Variants in SLC40A1 observed in about 807,000 individuals in gnomAD.
SLC40A1 encodes the protein ferroportin.
Under a neutral mutation model 53.5 loss-of-function variants are expected in SLC40A1, and 16 were observed. That is an observed-to-expected ratio of 0.30 (90% CI 0.20 to 0.45). The LOEUF (loss-of-function observed/expected upper bound fraction) is 0.45. SLC40A1 is among the 20% of genes least tolerant of loss of function. The pLI is 1.00. For synonymous variants in SLC40A1, 247 were observed against 253.2 expected (o/e 0.98, Z 0.23); for missense variants, 545 against 695.4 (o/e 0.78, Z 2.43).
intron 5 of SLC40A1, among the ~76,000 whole-genome samples, chr2:189,568,085 A>G (rs935434650): frequency 6.6e-6 from 1 of 151,980 alleles, no homozygotes; most frequent in African/African-American, 2.4e-5. Context: ...ACCAATTTCC[A>G]TCTTTTATAT....
At chr2:189,577,427 G>A (rs1346436228) in intron 2 of SLC40A1, among the ~76,000 whole-genome samples, 2 of 152,112 alleles carry the variant, frequency 1.3e-5, no homozygotes, top group African/African-American at 4.8e-5. Context: ...TGAGCCTCTG[G>A]GAAACGAGGG....
intron 2 of SLC40A1, among the ~76,000 whole-genome samples, chr2:189,577,152 A>G (rs1165528056): frequency 6.6e-6 from 1 of 152,208 alleles, no homozygotes; most frequent in Non-Finnish European, 1.5e-5. Flanking sequence ...GTGTCCATGT[A>G]CCCCCACGGG....
rs2031068406 is a variant in SLC40A1 at position 189,569,962 on chromosome 2, A to ATATATATGTATGTATATATATACACACC, written c.514+1725_514+1752dup. 3.3e-5 allele frequency among the ~76,000 whole-genome samples: 5 copies of ATATATATGTATGTATATATATACACACC among 150,334 alleles called. No individual in the cohort carries two copies. In the South Asian group the frequency reaches 1.1e-3, roughly 32 times the overall value. ...GCAGTTATATTTATATGATGTGTGTATATATATGTATGTATATATATACAC... is the reference window on the plus strand; with the variant it reads ...GCAGTTATATTTATATGATGTGTGTATATATATGTATGTATATATATACACACCTATATATGTATGTATATATATACAC... On this transcript the variant is annotated intron_variant, in intron 5 of 7. Transcript: ENST00000261024.
Position 189,563,645 on chromosome 2 carries a change from A to C in SLC40A1, c.1341T>G (p.Pro447=). The change falls in exon 7 of 8, where the codon CCT becomes CCG. Residue 447 remains proline (P), a synonymous_variant. Coordinates refer to ENST00000261024, the MANE Select transcript of SLC40A1 (RefSeq NM_014585.6). ...NSANIVPETS[P]ESVPIISVSL... ...TGACAGAGATTATGGGCACAGATTC[A>C]GGACTTGTCTCCGGGACAATATTAG... The C allele has an allele frequency of 6.2e-7, 1 of 1,614,188 alleles. No homozygotes were observed. The highest frequency in any genetic ancestry group is 1.3e-5 in the African/African-American group (1 of 75,070).
chr2:189,578,774 T>C (rs1240062326), intron 2 of SLC40A1, among the ~76,000 whole-genome samples: 2 of 152,220 alleles, frequency 1.3e-5, no homozygotes, highest in Non-Finnish European at 2.9e-5. Flanking sequence ...TCTGGTAAGA[T>C]AGGAGCTTGC....
Position 189,561,859 on chromosome 2 carries a change from T to C in SLC40A1, c.*19A>G, listed in dbSNP as rs372216215. On this transcript the variant is annotated 3_prime_UTR_variant, in exon 8 of 8. Coordinates refer to ENST00000261024, the MANE Select transcript of SLC40A1 (RefSeq NM_014585.6). ...TGCTCTATATAATCTAGTAACAGGA[T>C]AGCAACAGTTAAACTGTCTCAAACA... 3 of 1,600,144 alleles carry C rather than the reference T, an allele frequency of 1.9e-6. No individual in the cohort carries two copies. The highest frequency in any genetic ancestry group is 2.6e-6 in the Non-Finnish European group (3 of 1,167,586).
chr2:189,572,195 T>C (rs1413176786), intron 4 of SLC40A1, among the ~76,000 whole-genome samples: 3 of 152,168 alleles, frequency 2.0e-5, no homozygotes, highest in African/African-American at 7.2e-5. Flanking sequence ...AACACCTGTA[T>C]TTAAGTCAGA....
rs2030840586 is a variant in SLC40A1 at position 189,563,871 on chromosome 2, G to A, written c.1115C>T (p.Thr372Ile). 1 of 1,614,076 alleles carries A rather than the reference G, an allele frequency of 6.2e-7. No homozygotes were observed. The highest frequency in any genetic ancestry group is 1.3e-5 in the African/African-American group (1 of 74,910). The change falls in exon 7 of 8, where the codon ACA becomes ATA. Residue 372 changes from threonine (T) to isoleucine (I), a missense_variant. Thr to Ile is a moderately conservative substitution (Grantham distance 89). This residue lies in a region of SLC40A1 where 234 missense variants were observed against 299.0 expected (regional missense o/e 0.78). Transcript: ENST00000261024. ...CTGTGCCAATCCTGAGATCAGACCT[G>A]TCCGAACCAAACCACATTTTCGACG... ...WLRRKCGLVR[T>I]GLISGLAQLS... is the part of the protein sequence containing the mutation.
chr2:189,577,964 T>G (rs1344957456), intron 2 of SLC40A1, among the ~76,000 whole-genome samples: 1 of 152,180 alleles, frequency 6.6e-6, no homozygotes, highest in Non-Finnish European at 1.5e-5. Flanking sequence ...TAAAATGCAT[T>G]GATCCATTGG....
At chr2:189,565,241 T>C (rs981026075) in intron 6 of SLC40A1, 113 bp downstream of exon 6, 7 of 1,337,794 alleles carry the variant, frequency 5.2e-6, no homozygotes, top group Admixed American at 3.5e-5. Context: ...TTTAACCTCA[T>C]CTGGCCCCCA....
chr2:189,571,024 C>T (rs189977319), intron 5 of SLC40A1, among the ~76,000 whole-genome samples: 5 of 152,150 alleles, frequency 3.3e-5, no homozygotes, highest in East Asian at 1.9e-4. Flanking sequence ...TATGAGGGGA[C>T]GGCAGGCAAT....
rs755986890 is a variant in SLC40A1, at chr2:189,572,600, T to C, written c.387+246A>G. The C allele has an allele frequency of 1.3e-4, 75 of 565,662 alleles. 1 individual carries two copies. Among genetic ancestry groups the C allele is most frequent in the Middle Eastern group, 9.3e-4 (2 of 2,144 alleles). 35.0% of individuals were successfully genotyped at this position (565,662 alleles called of 1,614,324 possible). A position where few individuals can be genotyped will look rare whatever the true frequency, so the allele number is the denominator to read the frequency against. The stretch of plus-strand genomic sequence containing the variant: ...GCTGAAAACAAACAACTGAATTCTA[T>C]AGTAAACTCTTAGAAATGCCATTAG... On this transcript the variant is annotated intron_variant, in intron 4 of 7. Coordinates refer to ENST00000261024, the MANE Select transcript of SLC40A1 (RefSeq NM_014585.6).
In SLC40A1 at chr2:189,561,791, C is replaced by T; in HGVS notation, c.*87G>A. 1 of 1,196,350 alleles carries T rather than the reference C, an allele frequency of 8.4e-7. No individual in the cohort carries two copies. Among genetic ancestry groups the T allele is most frequent in the Non-Finnish European group, 1.2e-6 (1 of 813,538 alleles). The allele number at this position is 1,196,350 out of a possible 1,614,324, so 74.1% of individuals were successfully genotyped here. A position where few individuals can be genotyped will look rare whatever the true frequency, so the allele number is the denominator to read the frequency against. Reference sequence around the variant, plus strand: ...GCTGTGGTAAAAACAGAGCAAAACACCCAGCCATTTATTGGAATTCTGCAG... The same window carrying T: ...GCTGTGGTAAAAACAGAGCAAAACATCCAGCCATTTATTGGAATTCTGCAG... On this transcript the variant is annotated 3_prime_UTR_variant, in exon 8 of 8. Coordinates refer to ENST00000261024, the MANE Select transcript of SLC40A1 (RefSeq NM_014585.6).
chr2:189,565,975 CAG>C (rs2030926285), intron 5 of SLC40A1, among the ~76,000 whole-genome samples: 1 of 152,098 alleles, frequency 6.6e-6, no homozygotes, highest in South Asian at 2.1e-4. Flanking sequence ...CCTGTCTTCA[CAG>C]AGTTTATATT....
In SLC40A1 at chr2:189,571,785, A is replaced by G. The variant is rs748661142; in HGVS notation, c.444T>C (p.Thr148=). ...CCCTTTGGATTGTGATTGCAGTAGCAGTACTGGCCAAATTTGCAATATTTG... is the reference window on the plus strand; with the variant it reads ...CCCTTTGGATTGTGATTGCAGTAGCGGTACTGGCCAAATTTGCAATATTTG... The part of the protein sequence containing the change: ...TIANIANLAS[T]ATAITIQRDW... The change falls in exon 5 of 8, where the codon ACT becomes ACC. Residue 148 remains threonine, a synonymous_variant. Coordinates refer to ENST00000261024, the MANE Select transcript of SLC40A1 (RefSeq NM_014585.6). 3.1e-6 allele frequency: 5 copies of G among 1,613,546 alleles called. No individual in the cohort carries two copies. The highest frequency in any genetic ancestry group is 4.2e-6 in the Non-Finnish European group (5 of 1,179,550).
chr2:189,579,643 T>A (rs991781792), intron 2 of SLC40A1, among the ~76,000 whole-genome samples, 170 bp downstream of exon 2: 1 of 152,228 alleles, frequency 6.6e-6, no homozygotes, highest in Non-Finnish European at 1.5e-5. Flanking sequence ...CTAACACTCA[T>A]GGGGAAAGAT....
rs528853808 is a variant in SLC40A1 at position 189,574,017 on chromosome 2, A to G, written c.272-1056T>C. On this transcript the variant is annotated intron_variant, in intron 3 of 7. Coordinates refer to ENST00000261024, the MANE Select transcript of SLC40A1 (RefSeq NM_014585.6). ...CAGATCATTATATCTGTGTAAGAGC[A>G]GAGGTGGTAACAAAGCCTCATGGGA... Among the ~76,000 whole-genome samples the G allele has an allele frequency of 1.5e-3, 229 of 152,338 alleles. 1 individual carries two copies. Among genetic ancestry groups the G allele is most frequent in the Admixed American group, 4.2e-3 (64 of 15,300 alleles).
chr2:189,575,890 C>T (rs2031272377), intron 2 of SLC40A1, among the ~76,000 whole-genome samples: 1 of 152,160 alleles, frequency 6.6e-6, no homozygotes, highest in Admixed American at 6.5e-5. Context: ...AGTCATAAAA[C>T]AGCAGAGCGA....
chr2:189,580,477 G>A lies in SLC40A1; in HGVS notation c.-17C>T. The A allele has an allele frequency of 6.2e-7, 1 of 1,613,086 alleles. No individual in the cohort carries two copies. Among genetic ancestry groups the A allele is most frequent in the Non-Finnish European group, 8.5e-7 (1 of 1,179,990 alleles). ...CCTGGTCATGACACTAGGCGACCCC[G>A]CTGGCTCTTCTGCGGCTGCTATCGC... On this transcript the variant is annotated 5_prime_UTR_variant, in exon 1 of 8. Transcript: ENST00000261024.
Sources: allele counts gnomAD v4.1 joint callset (sites outside exome capture counted in the v4.1 genomes callset), GRCh38; gene constraint gnomAD v4.1.1; regional missense constraint gnomAD v4.1.1; transcripts MANE v1.5; gene names NCBI Gene and HGNC (gene_info 2026-07-23, HGNC 2026-07-21).